NCAPD3: variants seen among roughly 807,000 people sequenced by gnomAD.
NCAPD3 encodes non-SMC condensin II complex subunit D3, also known as condensin-2 complex subunit D3.
NCAPD3 carries 105 observed loss-of-function variants against 182.9 expected under a neutral mutation model. The observed-to-expected ratio is 0.57, with a 90% CI of 0.49 to 0.68. The LOEUF is 0.68. Ranked by LOEUF, NCAPD3 falls within the 30% of genes least tolerant of loss-of-function variation. The pLI is 0.00. For missense variants in NCAPD3, 1,944 were observed against 1,837.0 expected, an observed-to-expected ratio of 1.06 and a Z score of -1.07; for synonymous variants, 815 against 679.9, an observed-to-expected ratio of 1.20 and a Z score of -3.09.
intron 1 of NCAPD3, among the ~76,000 whole-genome samples, chr11:134,222,558 A>G (rs1350525873): frequency 6.6e-6 from 1 of 152,234 alleles, no homozygotes; most frequent in Non-Finnish European, 1.5e-5. Context: ...AGGCCCTAAC[A>G]ATGTGCTAGC....
rs1943470383 is a variant in NCAPD3 at position 134,157,967 on chromosome 11, T to A, written c.4135A>T (p.Thr1379Ser). ...RSRSLGVLPF[T>S]LNSGSPEKTC... ...TTTTCTGGGCTTCCAGAATTTAAAG[T>A]GAAAGGCAGCACTCCTAAGCTCCGA... Residue 1379 changes from threonine to serine, a missense_variant, in exon 31 of 35, where the codon ACT becomes TCT. Transcript: ENST00000534548. 2 of 1,614,036 alleles carry A rather than the reference T, an allele frequency of 1.2e-6. No individual in the cohort carries two copies. Among genetic ancestry groups the A allele is most frequent in the Non-Finnish European group, 1.7e-6 (2 of 1,180,020 alleles).
chr11:134,170,940 C>G (rs1444026519), intron 24 of NCAPD3, among the ~76,000 whole-genome samples: 1 of 152,200 alleles, frequency 6.6e-6, no homozygotes, highest in Admixed American at 6.5e-5. Context: ...TTAAGATGCA[C>G]AAATCCTGCA....
At chr11:134,210,796 T>C (rs1937806186) in intron 3 of NCAPD3, among the ~76,000 whole-genome samples, 1 of 152,138 alleles carries the variant, frequency 6.6e-6, no homozygotes, top group Admixed American at 6.5e-5. Flanking sequence ...GAAACAGAGG[T>C]AAACCCTCAA....
At chr11:134,207,479 G>A (rs1457054890) in intron 7 of NCAPD3, among the ~76,000 whole-genome samples, 4 of 152,066 alleles carry the variant, frequency 2.6e-5, no homozygotes, top group Admixed American at 6.5e-5. Context: ...TGGGCGCAGT[G>A]GCTCACGCCT....
upstream of NCAPD3, chr11:134,225,345 G>C: frequency 6.2e-7 from 1 of 1,613,482 alleles, no homozygotes; most frequent in Non-Finnish European, 8.5e-7. Flanking sequence ...CGGGCAGATC[G>C]GTGAGTCGAC....
intron 32 of NCAPD3, 116 bp downstream of exon 32, chr11:134,156,902 G>C: frequency 1.1e-6 from 1 of 915,874 alleles, no homozygotes; most frequent in South Asian, 1.6e-5. Context: ...TGCACTCATG[G>C]TTCTGACCAT....
chr11:134,203,569 T>C, intron 11 of NCAPD3, 85 bp downstream of exon 11: 1 of 1,517,606 alleles, frequency 6.6e-7, no homozygotes, highest in East Asian at 2.3e-5. Context: ...CTATTACTTT[T>C]GCCACAGAAA....
intron 19 of NCAPD3, chr11:134,183,123 G>A (rs1183039635): frequency 2.2e-6 from 1 of 456,282 alleles, no homozygotes; most frequent in Admixed American, 2.3e-5. Flanking sequence ...CTGACTGCGC[G>A]CTGTACACAT....
rs746040448 is a variant in NCAPD3, at chr11:134,161,836, G to A, written c.3629C>T (p.Thr1210Ile). 6.3e-7 allele frequency: 1 copy of A among 1,593,318 alleles called. No individual in the cohort carries two copies. The highest frequency in any genetic ancestry group is 1.7e-5 in the Admixed American group (1 of 57,998). ...NIIPIIISLK[T>I]VLEKNKIPAL... ...TGGGATCTTATTTTTCTCCAGCACA[G>A]TCTTCAGGGAGATGATAATTGGAAT... Residue 1210 changes from threonine (T) to isoleucine (I), a missense_variant, in exon 28 of 35, where the codon ACT (threonine) becomes ATT (isoleucine). Physicochemically the swap from Thr to Ile is moderately conservative, Grantham distance 89. This residue lies in a region of NCAPD3 where 1,803 missense variants were observed against 1,674.6 expected (regional missense o/e 1.08). Transcript: ENST00000534548.
intron 14 of NCAPD3, 83 bp from the exon 15 acceptor site, chr11:134,194,233 T>C (rs1220788713): frequency 7.8e-6 from 11 of 1,412,808 alleles, no homozygotes; most frequent in Admixed American, 2.0e-5. Context: ...GAACACTTCC[T>C]TTAAGTTTGT....
At position 134,223,293 on chromosome 11, in the gene NCAPD3, AT is replaced by A. The variant is rs1938308014; in HGVS notation, c.64+569del. The A allele has an allele frequency of 6.4e-6, 4 of 624,904 alleles. No homozygotes were observed. The South Asian group carries it at 6.9e-5, about 11-fold the overall frequency. The allele number at this position is 624,904 out of a possible 1,614,324, so 38.7% of individuals were successfully genotyped here. Reference sequence around the variant, plus strand: ...TCGAGGCTATGATGAAGGCAGCAGCATCAGGAATGGAGCGGGGCTGCCCTGA... The same window carrying A: ...TCGAGGCTATGATGAAGGCAGCAGCACAGGAATGGAGCGGGGCTGCCCTGA... On this transcript the variant is annotated intron_variant, in intron 1 of 34. Transcript: ENST00000534548.
rs1480260914 is a variant in NCAPD3 at position 134,157,093 on chromosome 11, A to C, written c.4177T>G (p.Ser1393Ala). 7.4e-6 allele frequency: 12 copies of C among 1,611,806 alleles called. No homozygotes were observed. Among genetic ancestry groups the C allele is most frequent in the Non-Finnish European group, 1.0e-5 (12 of 1,178,688 alleles). Residue 1393 changes from serine (S) to alanine (A), a missense_variant and splice_region_variant, in exon 32 of 35, where the codon TCT becomes GCT. Ser to Ala is a moderately conservative substitution (Grantham distance 99). This residue lies in a region of NCAPD3 where 1,803 missense variants were observed against 1,674.6 expected (regional missense o/e 1.08). Coordinates refer to ENST00000534548, the MANE Select transcript of NCAPD3 (RefSeq NM_015261.3). ...GSPEKTCSQVSSYSLEQESNG... is the reference protein window; with the variant it reads ...GSPEKTCSQVASYSLEQESNG... ...GACTCTTGCTCCAAACTGTATGAAG[A>C]CACTAGAACAGAAAAGGTGCTGCTA...
chr11:134,161,995 A>T (rs1254134685), intron 27 of NCAPD3, 104 bp from the exon 28 acceptor site: 24 of 604,482 alleles, frequency 4.0e-5, no homozygotes, highest in Non-Finnish European at 6.5e-5. Flanking sequence ...ACACTATGTA[A>T]GTTTATTTTT....
At chr11:134,218,531 T>C (rs1222356657) in intron 2 of NCAPD3, among the ~76,000 whole-genome samples, 10 of 152,198 alleles carry the variant, frequency 6.6e-5, no homozygotes, top group Admixed American at 6.5e-4. Flanking sequence ...ACAGAACTGT[T>C]TCTCCATTTG....
chr11:134,167,811 TAGG>T (rs1313965481), intron 27 of NCAPD3, among the ~76,000 whole-genome samples, 182 bp downstream of exon 27: 4 of 120,688 alleles, frequency 3.3e-5, no homozygotes, highest in Non-Finnish European at 6.5e-5. Context: ...GAGATGAGCT[TAGG>T]GGAGCAGCAC....
intron 13 of NCAPD3, among the ~76,000 whole-genome samples, chr11:134,200,014 G>T (rs375772305): frequency 6.6e-6 from 1 of 152,164 alleles, no homozygotes; most frequent in Non-Finnish European, 1.5e-5. Flanking sequence ...CAGGCTGAAA[G>T]AAACAGTGCT....
chr11:134,167,311 CACTT>C (rs1294919511), intron 27 of NCAPD3, among the ~76,000 whole-genome samples: 21 of 110,444 alleles, frequency 1.9e-4, no homozygotes, highest in Admixed American at 4.1e-4. Context: ...GCAGCACACT[CACTT>C]GTGAAATGAG....
At chr11:134,219,883 G>A (rs1245578915) in intron 2 of NCAPD3, among the ~76,000 whole-genome samples, 4 of 151,904 alleles carry the variant, frequency 2.6e-5, no homozygotes, top group Admixed American at 2.6e-4. Flanking sequence ...TGTAACCTCC[G>A]CCTCCTGGGT....
rs529814187 is a variant in NCAPD3 at position 134,221,790 on chromosome 11, T to A, written c.65-1064A>T. Among the ~76,000 whole-genome samples the A allele has an allele frequency of 4.2e-3, 634 of 152,326 alleles. 4 individuals carry two copies. The highest frequency in any genetic ancestry group is 0.015 in the African/African-American group (607 of 41,578). On this transcript the variant is annotated intron_variant, in intron 1 of 34. Transcript: ENST00000534548. ...AATGAAAGGCCTTACACTCAACTAG[T>A]TCCATCCTTAGAATACAATCTGGTC...
Sources: allele counts gnomAD v4.1 joint callset (sites outside exome capture counted in the v4.1 genomes callset), GRCh38; gene constraint gnomAD v4.1.1; regional missense constraint gnomAD v4.1.1; transcripts MANE v1.5; gene names NCBI Gene and HGNC (gene_info 2026-07-23, HGNC 2026-07-21).